NBEA: variants seen among roughly 807,000 people sequenced by gnomAD.
NBEA encodes the protein neurobeachin.
Under a neutral mutation model 343.4 loss-of-function variants are expected in NBEA, and 44 were observed. That is an observed-to-expected ratio of 0.13 (90% CI 0.10 to 0.16). The LOEUF (loss-of-function observed/expected upper bound fraction) is 0.16. Among genes scored for constraint, NBEA ranks in the 10% least tolerant of loss-of-function variants. NBEA has a pLI of 1.00. For missense variants in NBEA, 2,555 were observed against 3,631.3 expected (o/e 0.70, Z 7.62); for synonymous variants, 1,175 against 1,238.7 (o/e 0.95, Z 1.08).
chr13:34,990,308 T>C (rs1386610686), intron 1 of NBEA, among the ~76,000 whole-genome samples: 1 of 151,250 alleles, frequency 6.6e-6, no homozygotes, highest in East Asian at 1.9e-4. Context: ...TCTGCCCCTG[T>C]AGCAGACTTC....
chr13:35,359,735 G>T (rs1294161075), intron 38 of NBEA, among the ~76,000 whole-genome samples: 1 of 151,596 alleles, frequency 6.6e-6, no homozygotes, highest in Non-Finnish European at 1.5e-5. Flanking sequence ...TAGCTTTTTG[G>T]ATATTTCCTA....
chr13:35,056,150 C>G, intron 7 of NBEA, 21 bp downstream of exon 7: 1 of 1,561,874 alleles, frequency 6.4e-7, no homozygotes. Context: ...ATTTTTCTGT[C>G]TGTGTTTTAA....
intron 24 of NBEA, 102 bp downstream of exon 24, chr13:35,164,611 C>A: frequency 3.2e-6 from 4 of 1,231,356 alleles, no homozygotes; most frequent in Non-Finnish European, 3.4e-6. Context: ...CAGACCTGTA[C>A]TTTTTAGGCA....
intron 41 of NBEA, among the ~76,000 whole-genome samples, chr13:35,535,078 C>T (rs551053035): frequency 5.3e-4 from 80 of 150,768 alleles, no homozygotes; most frequent in Middle Eastern, 3.4e-3. Context: ...GCCTGCAAGT[C>T]GGGTAATCTC....
intron 36 of NBEA, among the ~76,000 whole-genome samples, chr13:35,324,990 G>A (rs2038442769): frequency 6.6e-6 from 1 of 151,946 alleles, no homozygotes; most frequent in Non-Finnish European, 1.5e-5. Flanking sequence ...AATTTTAGTT[G>A]GAAAAGATAA....
chr13:35,242,034 T>G (rs1277740611), intron 34 of NBEA, among the ~76,000 whole-genome samples: 1 of 151,898 alleles, frequency 6.6e-6, no homozygotes, highest in African/African-American at 2.4e-5. Context: ...GAAACATAGT[T>G]CATGCAAAGG....
At chr13:35,531,499 T>C (rs2078261363) in intron 41 of NBEA, among the ~76,000 whole-genome samples, 2 of 152,202 alleles carry the variant, frequency 1.3e-5, no homozygotes, top group Non-Finnish European at 2.9e-5. Flanking sequence ...TTGTCATTGG[T>C]GTAATAAGTA....
At chr13:35,257,029 C>T (rs1818420069) in intron 34 of NBEA, among the ~76,000 whole-genome samples, 1 of 152,202 alleles carries the variant, frequency 6.6e-6, no homozygotes, top group African/African-American at 2.4e-5. Context: ...CCTGGCCATG[C>T]CTCCCCCACT....
In NBEA at chr13:34,942,726, C is replaced by G. The variant is rs1272340479; in HGVS notation, c.-95C>G. On this transcript the variant is annotated 5_prime_UTR_variant, in exon 1 of 59. Transcript: ENST00000379939. ...GCGGCGCTGGTGGATGCTGGGGCTCCGAGGCGACGGCCGGGGGGCGGGGGC... is the reference window on the plus strand; with the variant it reads ...GCGGCGCTGGTGGATGCTGGGGCTCGGAGGCGACGGCCGGGGGGCGGGGGC... The G allele has an allele frequency of 8.5e-6, 9 of 1,061,404 alleles. No individual in the cohort carries two copies. The South Asian group carries it at 1.6e-4, about 19-fold the overall frequency. The allele number at this position is 1,061,404 out of a possible 1,614,324, so 65.7% of individuals were successfully genotyped here.
At chr13:35,379,687 G>T (rs1363978690) in intron 38 of NBEA, among the ~76,000 whole-genome samples, 1 of 146,172 alleles carries the variant, frequency 6.8e-6, no homozygotes, top group Non-Finnish European at 1.5e-5. Flanking sequence ...ATTGTATATG[G>T]CATGAGGCAG....
rs1363448838 is a variant in NBEA, at chr13:35,025,504, C to G, written c.295-15429C>G. Among the ~76,000 whole-genome samples the G allele has an allele frequency of 4.6e-5, 7 of 152,156 alleles. No homozygotes were observed. In the South Asian group the frequency reaches 1.2e-3, roughly 27 times the overall value. On this transcript the variant is annotated intron_variant, in intron 1 of 58. Transcript: ENST00000379939. ...ATGTGTGGCTTTATTTCTGGGTTGT[C>G]TAACCTGTTCCATTGGTCTGTGTGT...
Position 35,050,246 on chromosome 13 carries a change from A to G in NBEA, c.846-23A>G, listed in dbSNP as rs762792526. On this transcript the variant is annotated intron_variant, in intron 5 of 58. Coordinates refer to ENST00000379939, the MANE Select transcript of NBEA (RefSeq NM_001385012.1). ...AGTTCTTTTTATCAGAGGATATTAT[A>G]CTATTCTCAGTTGTCTTTGCAGTTT... 4.9e-5 allele frequency: 78 copies of G among 1,602,082 alleles called. No individual in the cohort carries two copies. In the South Asian group the frequency reaches 8.0e-4, roughly 16 times the overall value.
intron 55 of NBEA, among the ~76,000 whole-genome samples, chr13:35,656,527 G>A (rs1367624066): frequency 6.6e-6 from 1 of 152,144 alleles, no homozygotes; most frequent in East Asian, 1.9e-4. Context: ...TTGTTGGACT[G>A]CTGCCCCAAG....
At chr13:35,044,197 G>A (rs1161754162) in intron 2 of NBEA, among the ~76,000 whole-genome samples, 3 of 152,100 alleles carry the variant, frequency 2.0e-5, no homozygotes, top group Non-Finnish European at 1.5e-5. Context: ...TCTACTTATA[G>A]ACTAGTGTGT....
rs2036582318 is a variant in NBEA at position 35,301,977 on chromosome 13, T to G, written c.5839-7551T>G. On this transcript the variant is annotated intron_variant, in intron 35 of 58. Coordinates refer to ENST00000379939, the MANE Select transcript of NBEA (RefSeq NM_001385012.1). ...AAACTTATCTTTAAAATTTCTAGTT[T>G]TAGTGCTGTCTGTATGGCTAAAGTC... Among the ~76,000 whole-genome samples the G allele has an allele frequency of 2.6e-5, 4 of 152,272 alleles. No individual in the cohort carries two copies. In the South Asian group the frequency reaches 8.3e-4, roughly 32 times the overall value.
In NBEA at chr13:35,556,816, C is replaced by T. The variant is rs531528332; in HGVS notation, c.6922+1714C>T. Reference sequence around the variant, plus strand: ...TATTAACTTCACACTCTGGGGTCTACGTCTTTTTGCAAATTAAGAAAGATT... The same window carrying T: ...TATTAACTTCACACTCTGGGGTCTATGTCTTTTTGCAAATTAAGAAAGATT... On this transcript the variant is annotated intron_variant, in intron 44 of 58. Coordinates refer to ENST00000379939, the MANE Select transcript of NBEA (RefSeq NM_001385012.1). Among the ~76,000 whole-genome samples, 6 of 152,158 alleles carry T rather than the reference C, an allele frequency of 3.9e-5. No homozygotes were observed. The East Asian group carries it at 5.8e-4, about 15-fold the overall frequency.
intron 34 of NBEA, among the ~76,000 whole-genome samples, chr13:35,236,780 C>A (rs935423267): frequency 2.0e-5 from 3 of 151,480 alleles, no homozygotes; most frequent in Non-Finnish European, 4.4e-5. Flanking sequence ...TTTTAAATCT[C>A]CCCAAATTAT....
intron 41 of NBEA, among the ~76,000 whole-genome samples, chr13:35,486,429 T>A (rs550590609): frequency 1.1e-4 from 16 of 152,128 alleles, no homozygotes; most frequent in Non-Finnish European, 2.4e-4. Context: ...TTAATTCATT[T>A]GATACTTAAA....
intron 35 of NBEA, among the ~76,000 whole-genome samples, chr13:35,306,135 G>A (rs2152829664): frequency 6.6e-6 from 1 of 152,200 alleles, no homozygotes; most frequent in Non-Finnish European, 1.5e-5. Flanking sequence ...CTGTTGAGAA[G>A]TCTAATCTCA....
Sources: allele counts gnomAD v4.1 joint callset (sites outside exome capture counted in the v4.1 genomes callset), GRCh38; gene constraint gnomAD v4.1.1; transcripts MANE v1.5; gene names NCBI Gene and HGNC (gene_info 2026-07-23, HGNC 2026-07-21).